ROR1: variants seen among roughly 807,000 people sequenced by gnomAD.
The protein encoded by ROR1 is inactive tyrosine-protein kinase transmembrane receptor ROR1.
A neutral mutation model predicts 78.8 loss-of-function variants in ROR1; 19 were observed. The ratio of observed to expected loss-of-function variants is 0.24; its 90% CI spans 0.17 to 0.35. ROR1 has a LOEUF of 0.35. Ranked by LOEUF, ROR1 falls within the 10% of genes least tolerant of loss-of-function variation. The probability of loss-of-function intolerance (pLI) is 1.00; values close to 1 mark genes in which losing one functional copy is unlikely to be tolerated. For synonymous variants in ROR1, 386 were observed against 433.6 expected (o/e 0.89, Z 1.36); for missense variants, 917 against 1,177.8 (o/e 0.78, Z 3.24).
At chr1:64,102,338 T>A (rs75979615) in intron 4 of ROR1, among the ~76,000 whole-genome samples, 1 of 152,300 alleles carries the variant, frequency 6.6e-6, no homozygotes, top group East Asian at 1.9e-4. Context: ...CCTGTCAGTG[T>A]GAGGCAAAGA....
chr1:64,050,845 C>G, intron 4 of ROR1, 129 bp downstream of exon 4: 1 of 887,148 alleles, frequency 1.1e-6, no homozygotes, highest in Non-Finnish European at 1.9e-6. Flanking sequence ...TTGCCCTGCC[C>G]TCATTCCATT....
chr1:63,829,668 G>A (rs1467184096), intron 1 of ROR1, among the ~76,000 whole-genome samples: 1 of 152,176 alleles, frequency 6.6e-6, no homozygotes, highest in Non-Finnish European at 1.5e-5. Context: ...GGAATATCCA[G>A]TGTGGGGACA....
chr1:63,799,971 G>C (rs941533773), intron 1 of ROR1, among the ~76,000 whole-genome samples: 7 of 152,148 alleles, frequency 4.6e-5, no homozygotes, highest in Admixed American at 3.3e-4. Context: ...TATGGTCAAA[G>C]AAGAAAATCA....
rs541958525 is a variant in ROR1, at chr1:64,070,514, C to T, written c.482+19798C>T. On this transcript the variant is annotated intron_variant, in intron 4 of 8. Coordinates refer to ENST00000371079, the MANE Select transcript of ROR1 (RefSeq NM_005012.4). ...TTTTTATTTTTTATAGAGATGGGAT[C>T]CCACCATATTGCCCAGGCTGGTCTC... 2.0e-5 allele frequency among the ~76,000 whole-genome samples: 3 copies of T among 152,118 alleles called. No individual in the cohort carries two copies. In the East Asian group the frequency reaches 5.8e-4, roughly 29 times the overall value.
At chr1:63,815,143 C>T (rs1644882954) in intron 1 of ROR1, among the ~76,000 whole-genome samples, 1 of 152,104 alleles carries the variant, frequency 6.6e-6, no homozygotes, top group South Asian at 2.1e-4. Context: ...TTTGGCTAGC[C>T]TGAGGCTACC....
Position 64,142,495 on chromosome 1 carries a change from A to G in ROR1, c.1019A>G (p.Gln340Arg). ...CGCCAGTGCCAGCCATGGAATTCCC[A>G]GTATCCCCACACACACACTTTCACC... ...SGRQCQPWNS[Q>R]YPHTHTFTAL... is the part of the protein sequence containing the mutation. The change falls in exon 7 of 9, where the codon CAG becomes CGG. Residue 340 changes from glutamine to arginine, a missense_variant. Around this residue, in one of 3 missense-constraint regions of ROR1, gnomAD observed 835 missense variants for 1,069.8 expected, o/e 0.78. Transcript: ENST00000371079. 1 of 1,614,206 alleles carries G rather than the reference A, an allele frequency of 6.2e-7. No homozygotes were observed. Among genetic ancestry groups the G allele is most frequent in the Admixed American group, 1.7e-5 (1 of 60,028 alleles).
chr1:63,943,104 A>AC (rs199672338), intron 1 of ROR1, among the ~76,000 whole-genome samples: 3,327 of 151,386 alleles, frequency 0.022, 145 homozygotes, highest in African/African-American at 0.077. Context: ...AAAAAAAAAA[A>AC]AAAAAAAAAA....
intron 2 of ROR1, among the ~76,000 whole-genome samples, chr1:64,011,460 C>T (rs1646474042): frequency 6.6e-6 from 1 of 152,132 alleles, no homozygotes; most frequent in African/African-American, 2.4e-5. Flanking sequence ...TGTTATTGAT[C>T]AGATTCCAGT....
intron 1 of ROR1, among the ~76,000 whole-genome samples, chr1:63,795,899 A>T (rs1327636758): frequency 1.3e-5 from 2 of 152,286 alleles, no homozygotes; most frequent in South Asian, 4.2e-4. Flanking sequence ...GGTTTTGGAG[A>T]TGGGGGTGGC....
intron 7 of ROR1, among the ~76,000 whole-genome samples, chr1:64,144,386 G>A (rs1216688472): frequency 1.3e-5 from 2 of 152,196 alleles, no homozygotes; most frequent in Admixed American, 6.5e-5. Context: ...CATACAGATG[G>A]CATGTAAGGC....
intron 4 of ROR1, among the ~76,000 whole-genome samples, chr1:64,067,758 G>A (rs1240693950): frequency 2.1e-5 from 3 of 142,054 alleles, no homozygotes; most frequent in Non-Finnish European, 4.5e-5. Flanking sequence ...TGTCACCGAG[G>A]CTAGAGTGCA....
intron 1 of ROR1, among the ~76,000 whole-genome samples, chr1:63,805,613 G>A (rs1644823877): frequency 6.6e-6 from 1 of 152,198 alleles, no homozygotes; most frequent in Non-Finnish European, 1.5e-5. Context: ...AAAAGGTGAT[G>A]TCTTGGTAAA....
At position 64,180,829 on chromosome 1, in the gene ROR1, A is replaced by T. The variant is rs1345184050; in HGVS notation, c.*1974A>T. 6.6e-6 allele frequency: 1 copy of T among 152,178 alleles called. No individual in the cohort carries two copies. The highest frequency in any genetic ancestry group is 1.5e-5 in the Non-Finnish European group (1 of 67,990). The allele number at this position is 152,178 out of a possible 1,614,324, so 9.4% of individuals were successfully genotyped here. A position where few individuals can be genotyped will look rare whatever the true frequency, so the allele number is the denominator to read the frequency against. The stretch of plus-strand genomic sequence containing the variant: ...CTTAAAGGGAAATTAGCATTCCATG[A>T]GCCAGTAAAATACCTACTCTGGTAA... On this transcript the variant is annotated 3_prime_UTR_variant, in exon 9 of 9. Transcript: ENST00000371079.
At chr1:63,808,323 G>A (rs1186972813) in intron 1 of ROR1, among the ~76,000 whole-genome samples, 2 of 152,306 alleles carry the variant, frequency 1.3e-5, no homozygotes, top group African/African-American at 4.8e-5. Context: ...TTTTGGGATG[G>A]CAGAGCAACA....
intron 8 of ROR1, among the ~76,000 whole-genome samples, chr1:64,175,131 GC>G (rs909592909): frequency 6.6e-6 from 1 of 151,092 alleles, no homozygotes; most frequent in Non-Finnish European, 1.5e-5. Flanking sequence ...CAGAACCTCT[GC>G]CCCCCTTTTT....
chr1:64,111,004 A>C (rs988364727), intron 4 of ROR1: 55 of 152,132 alleles, frequency 3.6e-4, no homozygotes, highest in African/African-American at 1.3e-3. Flanking sequence ...GAAAAAAAAA[A>C]AGAAAGTACA....
At chr1:63,959,443 A>G (rs1646010493) in intron 1 of ROR1, among the ~76,000 whole-genome samples, 1 of 152,096 alleles carries the variant, frequency 6.6e-6, no homozygotes, top group Admixed American at 6.5e-5. Flanking sequence ...GTGCTGACAT[A>G]TGGGTAATAG....
At position 63,925,476 on chromosome 1, in the gene ROR1, G is replaced by A. The variant is rs1348267638; in HGVS notation, c.92-83829G>A. On this transcript the variant is annotated intron_variant, in intron 1 of 8. Coordinates refer to ENST00000371079, the MANE Select transcript of ROR1 (RefSeq NM_005012.4). ...GTGAATAATGCCGCAATAAACATAC[G>A]TGTGCATGTGTCTTTATAGCAGCAT... Among the ~76,000 whole-genome samples, 46 of 152,110 alleles carry A rather than the reference G, an allele frequency of 3.0e-4. 1 individual carries two copies. The South Asian group carries it at 8.7e-3, about 29-fold the overall frequency.
intron 1 of ROR1, among the ~76,000 whole-genome samples, chr1:63,922,873 T>C (rs1242835935): frequency 6.6e-6 from 1 of 152,188 alleles, no homozygotes; most frequent in Non-Finnish European, 1.5e-5. Context: ...GCTCCAACTC[T>C]GAGGGTTGTT....
Sources: gnomAD v4.1 joint callset for allele counts (sites outside exome capture counted in the v4.1 genomes callset) on GRCh38, gnomAD v4.1.1 for gene constraint, gnomAD v4.1.1 regional missense constraint, MANE v1.5 for transcripts, NCBI Gene and HGNC (gene_info 2026-07-23, HGNC 2026-07-21) for gene names.